CDH13: variants seen among roughly 807,000 people sequenced by gnomAD.
The protein encoded by CDH13 is cadherin-13.
Under a neutral mutation model 63.8 loss-of-function variants are expected in CDH13, and 24 were observed. The ratio of observed to expected loss-of-function variants is 0.38; its 90% confidence interval spans 0.27 to 0.53. The LOEUF is 0.53. Among genes scored for constraint, CDH13 ranks in the 20% least tolerant of loss-of-function variants. CDH13 has a pLI of 0.85. For synonymous variants in CDH13, 503 were observed against 355.3 expected, an observed-to-expected ratio of 1.42 and a Z score of -4.67; for missense variants, 1,049 against 903.1, an observed-to-expected ratio of 1.16 and a Z score of -2.07.
At chr16:83,115,267 T>C (rs1284451227) in intron 3 of CDH13, among the ~76,000 whole-genome samples, 1 of 152,160 alleles carries the variant, frequency 6.6e-6, no homozygotes, top group Non-Finnish European at 1.5e-5. Flanking sequence ...AAAACAGCCA[T>C]GGTGGTTCTG....
At chr16:83,320,699 C>G (rs2090203889) in intron 5 of CDH13, among the ~76,000 whole-genome samples, 1 of 152,142 alleles carries the variant, frequency 6.6e-6, no homozygotes, top group African/African-American at 2.4e-5. Context: ...AATCGGGCTG[C>G]TTGTGAAATT....
intron 5 of CDH13, among the ~76,000 whole-genome samples, chr16:83,298,867 G>A (rs1392794925): frequency 1.3e-5 from 2 of 152,122 alleles, no homozygotes; most frequent in Non-Finnish European, 2.9e-5. Flanking sequence ...TCCAATAACA[G>A]CATTAATAGA....
chr16:82,964,435 C>A (rs113718722), intron 2 of CDH13, among the ~76,000 whole-genome samples: 426 of 152,236 alleles, frequency 2.8e-3, no homozygotes, highest in African/African-American at 9.7e-3. Context: ...AAGCAGACAG[C>A]GGCTTAGCCC....
chr16:83,485,550 TG>T (rs1357645744), intron 6 of CDH13, among the ~76,000 whole-genome samples: 1 of 152,172 alleles, frequency 6.6e-6, no homozygotes, highest in Non-Finnish European at 1.5e-5. Context: ...CATTAGTGTT[TG>T]CTCTCATTCC....
intron 1 of CDH13, among the ~76,000 whole-genome samples, chr16:82,692,078 G>A (rs1567632803): frequency 6.6e-6 from 1 of 152,208 alleles, no homozygotes; most frequent in Non-Finnish European, 1.5e-5. Context: ...TGAATTATCT[G>A]TGGCTTCATT....
At position 83,114,738 on chromosome 16, in the gene CDH13, G is replaced by C. The variant is rs79984807; in HGVS notation, c.367-10647G>C. On this transcript the variant is annotated intron_variant, in intron 3 of 13. Coordinates refer to ENST00000567109, the MANE Select transcript of CDH13 (RefSeq NM_001257.5). ...CTGCAGAAAGTTGGATATTTGTTGG[G>C]TTTTTCTTCCTTAAGTAGGCAAACT... 7.5e-3 allele frequency among the ~76,000 whole-genome samples: 1,148 copies of C among 152,256 alleles called. 62 individuals are homozygous for C. The East Asian group carries it at 0.16, about 21-fold the overall frequency.
chr16:83,526,418 C>G (rs2074960411), intron 7 of CDH13, among the ~76,000 whole-genome samples: 1 of 152,164 alleles, frequency 6.6e-6, no homozygotes, highest in Non-Finnish European at 1.5e-5. Context: ...ACTGTTCCAC[C>G]TAAGACCATC....
intron 2 of CDH13, among the ~76,000 whole-genome samples, chr16:82,900,703 T>C (rs1337779000): frequency 6.6e-6 from 1 of 152,076 alleles, no homozygotes; most frequent in Non-Finnish European, 1.5e-5. Context: ...ATCAAGAGTA[T>C]AGGTCAAGAG....
chr16:83,290,751 C>A (rs2089446520), intron 5 of CDH13, among the ~76,000 whole-genome samples: 1 of 152,136 alleles, frequency 6.6e-6, no homozygotes, highest in African/African-American at 2.4e-5. Context: ...TTCTCGGGCT[C>A]CAAGGCCCTC....
At chr16:82,860,094 T>C (rs747158099) in intron 2 of CDH13, among the ~76,000 whole-genome samples, 2 of 152,168 alleles carry the variant, frequency 1.3e-5, no homozygotes, top group African/African-American at 2.4e-5. Flanking sequence ...ACCATTTTTC[T>C]GGCTCTCCTC....
chr16:83,228,455 T>C (rs1260701141), intron 5 of CDH13, among the ~76,000 whole-genome samples: 2 of 152,190 alleles, frequency 1.3e-5, no homozygotes, highest in Non-Finnish European at 2.9e-5. Flanking sequence ...GAAGGGACAC[T>C]ATCACTGTTC....
chr16:83,757,493 G>A (rs545811580), intron 11 of CDH13, among the ~76,000 whole-genome samples: 15 of 152,150 alleles, frequency 9.9e-5, no homozygotes, highest in South Asian at 4.2e-4. Context: ...CAGGACAATC[G>A]CTTGAACCCA....
chr16:83,086,144 C>A (rs556916363), intron 3 of CDH13, among the ~76,000 whole-genome samples: 3 of 152,226 alleles, frequency 2.0e-5, no homozygotes, highest in African/African-American at 4.8e-5. Flanking sequence ...AACTCAGATA[C>A]CAGGCCACTG....
intron 2 of CDH13, among the ~76,000 whole-genome samples, chr16:82,922,564 G>T (rs941544482): frequency 1.3e-5 from 2 of 152,162 alleles, no homozygotes; most frequent in African/African-American, 4.8e-5. Context: ...TTAAGGTAAT[G>T]TATGCTGCTA....
chr16:82,737,180 A>G (rs2033715023), intron 1 of CDH13, among the ~76,000 whole-genome samples: 2 of 152,340 alleles, frequency 1.3e-5, no homozygotes, highest in South Asian at 2.1e-4. Context: ...TCCCAAAGGC[A>G]TGTGAACTCA....
intron 7 of CDH13, among the ~76,000 whole-genome samples, chr16:83,571,854 C>T (rs762546660): frequency 3.9e-5 from 6 of 152,132 alleles, no homozygotes; most frequent in Admixed American, 6.5e-5. Flanking sequence ...TGCCTCATTC[C>T]CCTGGCTCCT....
At chr16:83,075,873 A>T (rs2032798943) in intron 3 of CDH13, among the ~76,000 whole-genome samples, 2 of 152,210 alleles carry the variant, frequency 1.3e-5, no homozygotes, top group South Asian at 2.1e-4. Flanking sequence ...GATACTGCAC[A>T]TATTCATGGG....
intron 6 of CDH13, among the ~76,000 whole-genome samples, chr16:83,463,615 A>T (rs1027029939): frequency 6.6e-6 from 1 of 152,186 alleles, no homozygotes; most frequent in Middle Eastern, 3.2e-3. Flanking sequence ...AGTCTGGGCA[A>T]CATAGTGAGA....
chr16:83,345,715 T>C (rs2090825465), intron 6 of CDH13, among the ~76,000 whole-genome samples: 1 of 152,188 alleles, frequency 6.6e-6, no homozygotes, highest in African/African-American at 2.4e-5. Context: ...CTAAGTATAA[T>C]GCTTGAGAAA....
Sources: allele counts gnomAD v4.1 joint callset (sites outside exome capture counted in the v4.1 genomes callset), GRCh38; gene constraint gnomAD v4.1.1; transcripts MANE v1.5; gene names NCBI Gene and HGNC (gene_info 2026-07-23, HGNC 2026-07-21).